The following ANKRD6 variants were observed in gnomAD, a reference collection of about 807,000 sequenced individuals.
The protein encoded by ANKRD6 is ankyrin repeat domain 6.
In ANKRD6, 56 loss-of-function variants were observed where a neutral mutation model predicts 82.3. That is an observed-to-expected ratio of 0.68 (90% confidence interval 0.55 to 0.85). The LOEUF is 0.85. ANKRD6 is among the 40% of genes least tolerant of loss of function. The pLI is 0.00. For synonymous variants in ANKRD6, 347 were observed against 352.1 expected (o/e 0.99, Z 0.16); for missense variants, 852 against 907.6 (o/e 0.94, Z 0.79).
intron 1 of ANKRD6, among the ~76,000 whole-genome samples, chr6:89,537,945 T>C (rs1050515615): frequency 6.6e-6 from 1 of 151,296 alleles, no homozygotes; most frequent in Non-Finnish European, 1.5e-5. Flanking sequence ...GGACTTTACA[T>C]GCCAATCCCT....
chr6:89,532,099 G>T (rs1783228188), intron 1 of ANKRD6, among the ~76,000 whole-genome samples: 2 of 152,104 alleles, frequency 1.3e-5, no homozygotes, highest in African/African-American at 4.8e-5. Flanking sequence ...TTCTGTTTAG[G>T]CCCTTAACTG....
At position 89,633,026 on chromosome 6, in the gene ANKRD6, T is replaced by C. The variant is rs1217122541; in HGVS notation, c.*2022T>C. 4 of 152,322 alleles carry C rather than the reference T, an allele frequency of 2.6e-5. No homozygotes were observed. Among genetic ancestry groups the C allele is most frequent in the East Asian group, 1.9e-4 (1 of 5,188 alleles). The allele number at this position is 152,322 out of a possible 1,614,324, so 9.4% of individuals were successfully genotyped here. ...AATTTTAAGTATCAAGTCTAGACCA[T>C]AGAGTGCTTTGGTGGGAGTATTTTG... On this transcript the variant is annotated 3_prime_UTR_variant, in exon 16 of 16. Transcript: ENST00000339746.
At chr6:89,472,049 G>C (rs1175709575) in intron 1 of ANKRD6, among the ~76,000 whole-genome samples, 5 of 151,130 alleles carry the variant, frequency 3.3e-5, no homozygotes, top group African/African-American at 1.2e-4. Flanking sequence ...CTTCCTCCTA[G>C]CTTCTGGTGG....
Position 89,433,955 on chromosome 6 carries a change from C to G in ANKRD6, c.-144+580C>G, listed in dbSNP as rs1770296541. 6.6e-6 allele frequency among the ~76,000 whole-genome samples: 1 copy of G among 152,180 alleles called. No individual in the cohort carries two copies. Among genetic ancestry groups the G allele is most frequent in the Non-Finnish European group, 1.5e-5 (1 of 68,032 alleles). ...GGGTCCAGACATCAGCTCACCCAAGCTTATCTTGGGCTTTTAAGTGTGTTG... is the reference window on the plus strand; with the variant it reads ...GGGTCCAGACATCAGCTCACCCAAGGTTATCTTGGGCTTTTAAGTGTGTTG... On this transcript the variant is annotated intron_variant, in intron 1 of 15. Transcript: ENST00000339746. This position sits in a 1 kb window ranked among gnomAD's most constrained non-coding sequence, Gnocchi z 4.3.
intron 1 of ANKRD6, among the ~76,000 whole-genome samples, chr6:89,552,228 C>G (rs1477514412): frequency 6.6e-6 from 1 of 152,202 alleles, no homozygotes; most frequent in Non-Finnish European, 1.5e-5. Flanking sequence ...CGAAGCATGT[C>G]CTCCACCTAA....
intron 1 of ANKRD6, among the ~76,000 whole-genome samples, chr6:89,530,663 TGGG>T (rs1783035752): frequency 6.6e-6 from 1 of 152,210 alleles, no homozygotes; most frequent in African/African-American, 2.4e-5. Context: ...TGCTTTATCT[TGGG>T]GCCAGTCAGG....
At chr6:89,545,064 T>A (rs138617962) in intron 1 of ANKRD6, among the ~76,000 whole-genome samples, 2 of 151,432 alleles carry the variant, frequency 1.3e-5, no homozygotes, top group Non-Finnish European at 2.9e-5. Flanking sequence ...ATATAAAAAA[T>A]TAGCAGGGCG....
chr6:89,604,505 A>T (rs1318821693), intron 4 of ANKRD6, among the ~76,000 whole-genome samples: 1 of 151,866 alleles, frequency 6.6e-6, no homozygotes, highest in Admixed American at 6.6e-5. Flanking sequence ...GCTGGGAAGA[A>T]CTCTGCTTTA....
chr6:89,446,706 G>C (rs1373785244), intron 1 of ANKRD6, among the ~76,000 whole-genome samples: 1 of 152,176 alleles, frequency 6.6e-6, no homozygotes, highest in Non-Finnish European at 1.5e-5. Flanking sequence ...AACTGATATA[G>C]TTTGGCCGTG....
chr6:89,618,136 G>A (rs754781557), intron 9 of ANKRD6, 105 bp downstream of exon 9: 3 of 1,277,026 alleles, frequency 2.3e-6, no homozygotes, highest in Non-Finnish European at 3.4e-6. Flanking sequence ...ACTTAAATAT[G>A]GAATGTAACC....
chr6:89,452,430 A>G (rs904292090), intron 1 of ANKRD6, among the ~76,000 whole-genome samples: 3 of 152,240 alleles, frequency 2.0e-5, no homozygotes, highest in African/African-American at 7.2e-5. Flanking sequence ...TACTAAATCT[A>G]GAAGGGAAAC....
At chr6:89,489,280 A>G (rs964456267) in intron 1 of ANKRD6, among the ~76,000 whole-genome samples, 5 of 152,172 alleles carry the variant, frequency 3.3e-5, no homozygotes. Flanking sequence ...TGAGTGGGAA[A>G]GTTTAAACGA....
intron 1 of ANKRD6, among the ~76,000 whole-genome samples, chr6:89,555,574 G>A (rs1786479518): frequency 6.6e-6 from 1 of 152,122 alleles, no homozygotes; most frequent in Non-Finnish European, 1.5e-5. Context: ...ACCTTTAAGA[G>A]GAGGACGCCT....
intron 1 of ANKRD6, among the ~76,000 whole-genome samples, chr6:89,550,766 G>A (rs1785729077): frequency 6.6e-6 from 1 of 152,252 alleles, no homozygotes; most frequent in Non-Finnish European, 1.5e-5. Context: ...GACCAGCCCA[G>A]CCAACATGGT....
intron 1 of ANKRD6, among the ~76,000 whole-genome samples, chr6:89,440,709 C>A (rs908756170): frequency 6.6e-6 from 1 of 151,886 alleles, no homozygotes; most frequent in African/African-American, 2.4e-5. Flanking sequence ...GAGGATCGAT[C>A]GCTTGAGCCC....
At chr6:89,519,802 A>G (rs779922292) in intron 1 of ANKRD6, among the ~76,000 whole-genome samples, 4 of 152,236 alleles carry the variant, frequency 2.6e-5, no homozygotes, top group Non-Finnish European at 4.4e-5. Context: ...GAGTTTAAAG[A>G]TAGTTCATAA....
intron 2 of ANKRD6, among the ~76,000 whole-genome samples, chr6:89,593,920 A>G (rs991777006): frequency 2.0e-5 from 3 of 152,230 alleles, no homozygotes; most frequent in African/African-American, 7.2e-5. Flanking sequence ...GGGAGCCGAC[A>G]TGCTTAGAGC....
At chr6:89,456,741 G>A (rs1773553980) in intron 1 of ANKRD6, among the ~76,000 whole-genome samples, 1 of 152,096 alleles carries the variant, frequency 6.6e-6, no homozygotes, top group Admixed American at 6.6e-5. Flanking sequence ...ATAAATTATG[G>A]CCACAGAAAT....
chr6:89,583,737 T>A (rs534776302), intron 2 of ANKRD6, among the ~76,000 whole-genome samples: 1 of 152,386 alleles, frequency 6.6e-6, no homozygotes, highest in African/African-American at 2.4e-5. Flanking sequence ...GGCTGCTCTC[T>A]CCTGCCCCTC....
Sources: allele counts gnomAD v4.1 joint callset (sites outside exome capture counted in the v4.1 genomes callset), GRCh38; gene constraint gnomAD v4.1.1; non-coding constraint Gnocchi (gnomAD v3.1); transcripts MANE v1.5; gene names NCBI Gene and HGNC (gene_info 2026-07-23, HGNC 2026-07-21).